The following ZGRF1 variants were observed in gnomAD, a reference collection of about 807,000 sequenced individuals.
The protein encoded by ZGRF1 is 5'-3' DNA helicase ZGRF1.
In ZGRF1, 196 loss-of-function variants were observed where a neutral mutation model predicts 203.5. The ratio of observed to expected loss-of-function variants is 0.96; its 90% CI spans 0.86 to 1.08. ZGRF1 has a LOEUF of 1.08. Ranked by LOEUF, ZGRF1 falls within the 50% of genes least tolerant of loss-of-function variation. The pLI, the probability that ZGRF1 is intolerant of heterozygous loss-of-function variation, is 0.00. For synonymous variants in ZGRF1, 809 were observed against 841.3 expected (o/e 0.96, Z 0.66); for missense variants, 2,326 against 2,416.3 (o/e 0.96, Z 0.78).
chr4:112,546,960 A>G (rs1738907107), intron 24 of ZGRF1: 1 of 166,220 alleles, frequency 6.0e-6, no homozygotes, highest in Non-Finnish European at 1.3e-5. Context: ...CAATTAAAAA[A>G]TGTTAATAAT....
At chr4:112,547,449 G>A (rs1449725793) in intron 23 of ZGRF1, 41 bp from the exon 24 acceptor site, 1 of 1,570,472 alleles carries the variant, frequency 6.4e-7, no homozygotes, top group Admixed American at 1.9e-5. Flanking sequence ...CAATTAAAAT[G>A]GGTGCATTAA....
chr4:112,591,411 C>G (rs1484676738), intron 10 of ZGRF1, among the ~76,000 whole-genome samples: 2 of 152,196 alleles, frequency 1.3e-5, no homozygotes, highest in African/African-American at 2.4e-5. Flanking sequence ...CCCTACTACC[C>G]TCTCCAGAAA....
intron 4 of ZGRF1, among the ~76,000 whole-genome samples, chr4:112,620,506 G>A (rs1383976998): frequency 6.6e-6 from 1 of 152,164 alleles, no homozygotes; most frequent in Non-Finnish European, 1.5e-5. Context: ...TTGAGGCCAA[G>A]ATTATGAGAC....
chr4:112,634,282 G>A (rs2149221601), intron 1 of ZGRF1, among the ~76,000 whole-genome samples: 1 of 152,236 alleles, frequency 6.6e-6, no homozygotes, highest in Admixed American at 6.5e-5. Flanking sequence ...GCTTGGTGTG[G>A]ATCATCAAAC....
At chr4:112,596,318 T>C (rs1748999893) in intron 10 of ZGRF1, among the ~76,000 whole-genome samples, 1 of 152,004 alleles carries the variant, frequency 6.6e-6, no homozygotes, top group South Asian at 2.1e-4. Flanking sequence ...CAATAAGAAG[T>C]AAACTGATTT....
intron 3 of ZGRF1, among the ~76,000 whole-genome samples, chr4:112,625,537 G>T (rs889993126): frequency 6.9e-6 from 1 of 144,592 alleles, no homozygotes; most frequent in Non-Finnish European, 1.5e-5. Flanking sequence ...AGTAAGCCGA[G>T]ATCGCGCCAC....
intron 3 of ZGRF1, among the ~76,000 whole-genome samples, chr4:112,625,417 T>C (rs1355044807): frequency 1.3e-5 from 2 of 149,822 alleles, no homozygotes; most frequent in Non-Finnish European, 3.0e-5. Flanking sequence ...ACCCCATCTC[T>C]ACTAAAAATA....
At chr4:112,588,048 C>A in intron 11 of ZGRF1, 119 bp from the exon 12 acceptor site, 1 of 516,606 alleles carries the variant, frequency 1.9e-6, no homozygotes, top group Non-Finnish European at 2.9e-6. Flanking sequence ...AAAAAAATCA[C>A]ATTATTTTAT....
chr4:112,605,615 TG>T (rs999132782), intron 9 of ZGRF1: 2 of 166,220 alleles, frequency 1.2e-5, no homozygotes, highest in African/African-American at 4.8e-5. Flanking sequence ...ACTTAGATGT[TG>T]GTTACGTATA....
intron 16 of ZGRF1, among the ~76,000 whole-genome samples, chr4:112,567,108 T>C (rs1743249403): frequency 6.6e-6 from 1 of 152,182 alleles, no homozygotes; most frequent in Non-Finnish European, 1.5e-5. Flanking sequence ...ATGTTGCTTT[T>C]TCCTTTTAAC....
rs930854267 is a variant in ZGRF1 at position 112,609,461 on chromosome 4, T to C, written c.2668-32A>G. The C allele has an allele frequency of 1.8e-5, 20 of 1,141,354 alleles. 1 individual carries two copies. The highest frequency in any genetic ancestry group is 8.4e-5 in the Admixed American group (4 of 47,710). The allele number at this position is 1,141,354 out of a possible 1,614,324, so 70.7% of individuals were successfully genotyped here. ...AATAGAATATTAATTTTAGATAAAC[T>C]AATAGGCAATAATAATTTAGAAAAC... On this transcript the variant is annotated intron_variant, in intron 7 of 27. Coordinates refer to ENST00000505019, the MANE Select transcript of ZGRF1 (RefSeq NM_018392.5).
At chr4:112,568,018 G>A (rs1743458237) in intron 16 of ZGRF1, among the ~76,000 whole-genome samples, 1 of 152,056 alleles carries the variant, frequency 6.6e-6, no homozygotes, top group Admixed American at 6.6e-5. Context: ...ATAGCAGGAT[G>A]AATACATTTG....
intron 1 of ZGRF1, among the ~76,000 whole-genome samples, chr4:112,633,644 C>T (rs2047485370): frequency 6.6e-6 from 1 of 152,182 alleles, no homozygotes; most frequent in African/African-American, 2.4e-5. Context: ...CCTTTCACTT[C>T]TTAGCATCAA....
intron 3 of ZGRF1, among the ~76,000 whole-genome samples, chr4:112,629,541 G>A (rs528011147): frequency 6.6e-6 from 1 of 151,922 alleles, no homozygotes; most frequent in South Asian, 2.1e-4. Flanking sequence ...GAGGTGGTGT[G>A]TGCCTGTGGT....
chr4:112,539,668 T>G lies in ZGRF1; in HGVS notation c.6194A>C (p.His2065Pro). Residue 2065 changes from histidine to proline, a missense_variant, in exon 28 of 28, where the codon CAT becomes CCT. By Grantham distance (77) the His-to-Pro change is moderately conservative. Coordinates refer to ENST00000505019, the MANE Select transcript of ZGRF1 (RefSeq NM_018392.5). Reference sequence around the variant, plus strand: ...CAGCTGTGGTTCATACTGGTTTGCATGTTGCAATCCATCTTCCCTTCCTTA... The same window carrying G: ...CAGCTGTGGTTCATACTGGTTTGCAGGTTGCAATCCATCTTCCCTTCCTTA... ...HCEGREDGLQHANQYEPQLNH... is the reference protein window; with the variant it reads ...HCEGREDGLQPANQYEPQLNH... The G allele has an allele frequency of 6.2e-7, 1 of 1,601,964 alleles. No individual in the cohort carries two copies. Among genetic ancestry groups the G allele is most frequent in the Admixed American group, 1.8e-5 (1 of 56,970 alleles).
intron 5 of ZGRF1, 74 bp downstream of exon 5, chr4:112,619,928 C>T: frequency 7.9e-7 from 1 of 1,266,880 alleles, no homozygotes; most frequent in Non-Finnish European, 1.1e-6. Context: ...AGTACAATAA[C>T]TTCAAAATTC....
At position 112,540,868 on chromosome 4, in the gene ZGRF1, C is replaced by A; in HGVS notation, c.5863G>T (p.Gly1955Cys). The change falls in exon 26 of 28, where the codon GGC (glycine) becomes TGC (cysteine). Residue 1955 changes from glycine to cysteine, a missense_variant. Gly to Cys is a radical substitution (Grantham distance 159). Coordinates refer to ENST00000505019, the MANE Select transcript of ZGRF1 (RefSeq NM_018392.5). ...AATGTTATCACACCAATCATAGAGC[C>A]TGCTATTCCACTTGCAATCAGTGAT... The part of the protein sequence containing the change: ...IQSLIASGIA[G>C]SMIGVITLYK... 1 of 1,593,482 alleles carries A rather than the reference C, an allele frequency of 6.3e-7. No individual in the cohort carries two copies. The highest frequency in any genetic ancestry group is 8.6e-7 in the Non-Finnish European group (1 of 1,168,762).
intron 20 of ZGRF1, among the ~76,000 whole-genome samples, chr4:112,557,104 T>C (rs1741076446): frequency 1.3e-5 from 2 of 152,106 alleles, no homozygotes; most frequent in South Asian, 2.1e-4. Flanking sequence ...TATGTATTCA[T>C]ATAGGCAGAT....
At chr4:112,561,777 A>T (rs1471393204) in intron 18 of ZGRF1, among the ~76,000 whole-genome samples, 1 of 152,180 alleles carries the variant, frequency 6.6e-6, no homozygotes, top group Non-Finnish European at 1.5e-5. Flanking sequence ...TAATATAAAA[A>T]TACAGATAAT....
Sources: allele counts gnomAD v4.1 joint callset (sites outside exome capture counted in the v4.1 genomes callset), GRCh38; gene constraint gnomAD v4.1.1; transcripts MANE v1.5; gene names NCBI Gene and HGNC (gene_info 2026-07-23, HGNC 2026-07-21).